The following PLEKHG1 variants were observed in gnomAD, a reference collection of about 807,000 sequenced individuals.
The protein encoded by PLEKHG1 is pleckstrin homology domain-containing family G member 1.
A neutral mutation model predicts 100.8 loss-of-function variants in PLEKHG1; 44 were observed. That is an observed-to-expected ratio of 0.44 (90% CI 0.34 to 0.56). PLEKHG1 has a LOEUF of 0.56. PLEKHG1 is among the 20% of genes least tolerant of loss of function. PLEKHG1 has a pLI of 0.01. For missense variants in PLEKHG1, 1,545 were observed against 1,720.9 expected, an observed-to-expected ratio of 0.90 and a Z score of 1.81; for synonymous variants, 640 against 662.5, an observed-to-expected ratio of 0.97 and a Z score of 0.52.
chr6:150,680,131 C>T (rs567035443), intron 3 of PLEKHG1, among the ~76,000 whole-genome samples: 1 of 152,188 alleles, frequency 6.6e-6, no homozygotes, highest in South Asian at 2.1e-4. Context: ...ATCAGGTCTG[C>T]CATTTGAATG....
chr6:150,612,655 T>A (rs1582810415), intron 1 of PLEKHG1, among the ~76,000 whole-genome samples: 1 of 152,208 alleles, frequency 6.6e-6, no homozygotes, highest in East Asian at 1.9e-4. Flanking sequence ...AATGAAGACT[T>A]CTTCTAACGG....
At chr6:150,799,640 G>A (rs945943315) in intron 5 of PLEKHG1, among the ~76,000 whole-genome samples, 1 of 152,192 alleles carries the variant, frequency 6.6e-6, no homozygotes, top group Admixed American at 6.5e-5. Context: ...ATGATGGAGA[G>A]TTTTGAAATC....
chr6:150,785,589 A>C (rs1252001079), intron 3 of PLEKHG1, among the ~76,000 whole-genome samples: 1 of 152,152 alleles, frequency 6.6e-6, no homozygotes, highest in Non-Finnish European at 1.5e-5. Flanking sequence ...CCTTCCCAGC[A>C]TATCTCTCCT....
intron 3 of PLEKHG1, among the ~76,000 whole-genome samples, chr6:150,773,865 A>ATTT (rs1381062513): frequency 6.6e-6 from 1 of 152,072 alleles, no homozygotes; most frequent in Non-Finnish European, 1.5e-5. Context: ...TTCCTTTAAT[A>ATTT]TTTTCTAATT....
At chr6:150,809,794 G>C (rs1238271338) in intron 10 of PLEKHG1, 60 bp downstream of exon 11, 2 of 1,267,418 alleles carry the variant, frequency 1.6e-6, no homozygotes, top group Non-Finnish European at 2.3e-6. Context: ...ATTTGAACCT[G>C]GGAGGTGGAG....
intron 2 of PLEKHG1, among the ~76,000 whole-genome samples, chr6:150,740,805 T>C (rs1038690642): frequency 5.3e-5 from 8 of 152,238 alleles, no homozygotes; most frequent in Admixed American, 6.5e-5. Flanking sequence ...CTTAAAACCA[T>C]TTAATATCTA....
intron 1 of PLEKHG1, among the ~76,000 whole-genome samples, chr6:150,607,518 A>G (rs1776652954): frequency 6.6e-6 from 1 of 152,062 alleles, no homozygotes; most frequent in Non-Finnish European, 1.5e-5. Flanking sequence ...AAAGGGGAGG[A>G]TATGGTTGTT....
chr6:150,618,807 AG>A (rs1463336852), intron 1 of PLEKHG1, among the ~76,000 whole-genome samples: 4 of 152,366 alleles, frequency 2.6e-5, no homozygotes, highest in Admixed American at 1.3e-4. Flanking sequence ...AGGGAAAAAC[AG>A]GCTGGATGCT....
chr6:150,683,730 T>C lies in PLEKHG1; in HGVS notation c.-99+32944T>C, dbSNP rs1256342644. On this transcript the variant is annotated intron_variant, in intron 3 of 3. Transcript: ENST00000367326. This position sits in a 1 kb window ranked among gnomAD's most constrained non-coding sequence, Gnocchi z 4.0. Reference sequence around the variant, plus strand: ...AGTTGACACACGGACCCCTCTGCGCTAGTATCCAGGGCATAGGACGTCTGA... The same window carrying C: ...AGTTGACACACGGACCCCTCTGCGCCAGTATCCAGGGCATAGGACGTCTGA... 2 of 1,228,860 alleles carry C rather than the reference T, an allele frequency of 1.6e-6. No homozygotes were observed. Among genetic ancestry groups the C allele is most frequent in the Non-Finnish European group, 2.1e-6 (2 of 942,696 alleles). The allele number at this position is 1,228,860 out of a possible 1,614,324, so 76.1% of individuals were successfully genotyped here. A position where few individuals can be genotyped will look rare whatever the true frequency, so the allele number is the denominator to read the frequency against.
intron 2 of PLEKHG1, among the ~76,000 whole-genome samples, chr6:150,762,128 C>T (rs1298075610): frequency 6.6e-6 from 1 of 152,158 alleles, no homozygotes. Flanking sequence ...TTCCACACAT[C>T]ACATTACCAG....
intron 1 of PLEKHG1, chr6:150,625,865 A>G (rs1347029803): frequency 6.6e-6 from 1 of 152,154 alleles, no homozygotes. Context: ...TAGGACTTCA[A>G]CATATGAATT....
At chr6:150,827,308 G>C (rs374778668) in intron 14 of PLEKHG1, among the ~76,000 whole-genome samples, 75 of 139,178 alleles carry the variant, frequency 5.4e-4, no homozygotes, top group Non-Finnish European at 9.5e-4. Context: ...ATAGAGTTTC[G>C]CTCTTGTTGC....
At chr6:150,669,850 G>A (rs1475350808) in intron 3 of PLEKHG1, among the ~76,000 whole-genome samples, 5 of 151,892 alleles carry the variant, frequency 3.3e-5, no homozygotes, top group African/African-American at 4.8e-5. Flanking sequence ...CACCCACCTC[G>A]GCCTCCCACA....
In PLEKHG1 at chr6:150,831,718, A is replaced by G; in HGVS notation, c.2607A>G (p.Pro869=). ...TTCCTGTGAGCAAGGATGATGTGCC[A>G]GACAGGCTGCACGCAGAGAGCACCC... Residue 869 remains proline, a synonymous_variant, in exon 15 of 16, where the codon CCA becomes CCG. Coordinates refer to ENST00000358517, the Ensembl canonical transcript of PLEKHG1. This position sits in a 1 kb window ranked among gnomAD's most constrained non-coding sequence, Gnocchi z 4.1. The G allele has an allele frequency of 6.2e-7, 1 of 1,613,370 alleles. No individual in the cohort carries two copies. The highest frequency in any genetic ancestry group is 1.1e-5 in the South Asian group (1 of 91,086).
intron 1 of PLEKHG1, among the ~76,000 whole-genome samples, chr6:150,604,545 A>G (rs1333773062): frequency 6.6e-6 from 1 of 152,244 alleles, no homozygotes; most frequent in Non-Finnish European, 1.5e-5. Context: ...TCTGTTTTAA[A>G]TGAACTATTC....
chr6:150,653,742 T>C (rs1562412652), intron 3 of PLEKHG1, among the ~76,000 whole-genome samples: 1 of 151,128 alleles, frequency 6.6e-6, no homozygotes, highest in Non-Finnish European at 1.5e-5. Context: ...AGTGAGACCC[T>C]ATCGCAAAAA....
intron 1 of PLEKHG1, among the ~76,000 whole-genome samples, chr6:150,724,749 G>A (rs1234918129): frequency 4.6e-5 from 7 of 151,678 alleles, no homozygotes; most frequent in Non-Finnish European, 1.0e-4. Context: ...TAGTAGAGAC[G>A]GGGGTTTCAT....
intron 1 of PLEKHG1, among the ~76,000 whole-genome samples, chr6:150,606,594 C>T (rs1776611567): frequency 1.3e-5 from 2 of 152,206 alleles, no homozygotes; most frequent in South Asian, 4.1e-4. Flanking sequence ...ACCCTCTAAA[C>T]TTGAATCCTA....
intron 4 of PLEKHG1, among the ~76,000 whole-genome samples, chr6:150,787,730 G>T (rs1785711982): frequency 6.6e-6 from 1 of 152,056 alleles, no homozygotes; most frequent in Admixed American, 6.6e-5. Context: ...CAACACCCTG[G>T]GTTTTATTGG....
Sources: allele counts gnomAD v4.1 joint callset (sites outside exome capture counted in the v4.1 genomes callset), GRCh38; gene constraint gnomAD v4.1.1; non-coding constraint Gnocchi (gnomAD v3.1); transcripts MANE v1.5; gene names NCBI Gene and HGNC (gene_info 2026-07-23, HGNC 2026-07-21).